The following SH2D1A variants were observed in gnomAD, a reference collection of about 807,000 sequenced individuals.
The protein encoded by SH2D1A is SH2 domain-containing protein 1A.
In SH2D1A, 6 loss-of-function variants were observed where a neutral mutation model predicts 10.1. The ratio of observed to expected loss-of-function variants is 0.60; its 90% CI spans 0.33 to 1.18. The LOEUF (loss-of-function observed/expected upper bound fraction) is 1.18, where lower values mean the gene tolerates loss of function less well. SH2D1A is among the 50% of genes most tolerant of loss of function. The pLI is 0.04. For synonymous variants in SH2D1A, 42 were observed against 36.9 expected (o/e 1.14, Z -0.51); for missense variants, 51 against 97.6 (o/e 0.52, Z 2.01).
At chrX:124,367,481 G>A (rs1428287092) in intron 2 of SH2D1A, 22 of 112,020 alleles carry the variant, frequency 2.0e-4, no homozygotes, top group African/African-American at 6.2e-4. Flanking sequence ...GAATAGCTGA[G>A]TTCAGTGACA....
chrX:124,351,392 G>A (rs1160921583), intron 1 of SH2D1A, among the ~76,000 whole-genome samples: 1 of 109,325 alleles, frequency 9.1e-6, no homozygotes, highest in Non-Finnish European at 1.9e-5. Flanking sequence ...AAGTTTCCTT[G>A]CATTTATGAT....
chrX:124,370,442 C>T, intron 3 of SH2D1A, 122 bp downstream of exon 3: 2 of 581,067 alleles, frequency 3.4e-6, no homozygotes, highest in South Asian at 5.2e-5. Context: ...GTAGATGTAG[C>T]CAGCAAGTCA....
chrX:124,364,660 G>A (rs1017699486), intron 1 of SH2D1A, among the ~76,000 whole-genome samples: 2 of 110,983 alleles, frequency 1.8e-5, no homozygotes, highest in East Asian at 2.8e-4. Context: ...CTACAGGTGC[G>A]TGCCACCATG....
In SH2D1A at chrX:124,371,090, G is replaced by T. The variant is rs769961488; in HGVS notation, c.347-261G>T. Among the ~76,000 whole-genome samples the T allele has an allele frequency of 1.2e-3, 134 of 111,901 alleles. 1 individual carries two copies. The East Asian group carries it at 0.036, about 30-fold the overall frequency. On this transcript the variant is annotated intron_variant, in intron 3 of 3. Coordinates refer to ENST00000371139, the MANE Select transcript of SH2D1A (RefSeq NM_002351.5). ...GGCATAAACTGACAATTAGACTCAA[G>T]TGGTGAATTAAATTAATGAATAGTT...
At chrX:124,349,097 A>G (rs771441121) in intron 1 of SH2D1A, among the ~76,000 whole-genome samples, 80 of 112,568 alleles carry the variant, frequency 7.1e-4, no homozygotes, top group African/African-American at 2.5e-3. Flanking sequence ...CCCAAAGTGA[A>G]TCTTGCATAA....
chrX:124,365,927 G>A, intron 2 of SH2D1A, 103 bp downstream of exon 2: 1 of 549,420 alleles, frequency 1.8e-6, no homozygotes, highest in Non-Finnish European at 3.2e-6. Context: ...GTATTCATAA[G>A]GTTTAAATCT....
At chrX:124,351,184 T>C (rs2060014142) in intron 1 of SH2D1A, among the ~76,000 whole-genome samples, 1 of 103,105 alleles carries the variant, frequency 9.7e-6, no homozygotes, top group Non-Finnish European at 2.0e-5. Context: ...CATTTCCCAC[T>C]TAATATGAAA....
chrX:124,352,431 G>A (rs1201772998), intron 1 of SH2D1A, among the ~76,000 whole-genome samples: 1 of 110,511 alleles, frequency 9.0e-6, no homozygotes, highest in African/African-American at 3.3e-5. Context: ...TTATCTGTTG[G>A]TTCTTCAAAA....
intron 2 of SH2D1A, among the ~76,000 whole-genome samples, chrX:124,368,818 G>C (rs1422266418): frequency 1.8e-5 from 2 of 112,469 alleles, no homozygotes; most frequent in Non-Finnish European, 3.7e-5. Context: ...GAGGCAATTT[G>C]TGCCTATGAC....
chrX:124,349,993 C>G (rs2060003713), intron 1 of SH2D1A, among the ~76,000 whole-genome samples: 1 of 101,256 alleles, frequency 9.9e-6, no homozygotes, highest in African/African-American at 3.6e-5. Flanking sequence ...ATGACTATTG[C>G]TAAAAATTAG....
intron 2 of SH2D1A, among the ~76,000 whole-genome samples, chrX:124,368,637 TTGTC>T (rs2060061886): frequency 8.9e-6 from 1 of 112,623 alleles, no homozygotes; most frequent in Non-Finnish European, 1.9e-5. Flanking sequence ...CTGCCTCTGG[TTGTC>T]TGTGTGACTT....
rs1390954805 is a variant in SH2D1A, at chrX:124,364,218, A to T, written c.138-1543A>T. On this transcript the variant is annotated intron_variant, in intron 1 of 3. Transcript: ENST00000371139. ...GCAGTGGGATAAGATGTGGAGGTGG[A>T]AGACAGTGATACTGATGATCCTGAC... 2.7e-5 allele frequency among the ~76,000 whole-genome samples: 3 copies of T among 110,972 alleles called. No homozygotes were observed. The East Asian group carries it at 8.5e-4, about 31-fold the overall frequency.
At position 124,366,231 on chromosome X, in the gene SH2D1A, G is replaced by A. The variant is rs1290722170; in HGVS notation, c.201+407G>A. Among the ~76,000 whole-genome samples the A allele has an allele frequency of 3.6e-5, 4 of 111,080 alleles. No homozygotes were observed. In the South Asian group the frequency reaches 1.5e-3, roughly 42 times the overall value. The stretch of plus-strand genomic sequence containing the variant: ...TAAGAGACTACAATATACTTGGGAA[G>A]TTATAACTTGAAATTAAACAGTTAT... On this transcript the variant is annotated intron_variant, in intron 2 of 3. Transcript: ENST00000371139.
At chrX:124,351,665 A>G (rs1397569670) in intron 1 of SH2D1A, among the ~76,000 whole-genome samples, 1 of 110,298 alleles carries the variant, frequency 9.1e-6, no homozygotes, top group Non-Finnish European at 1.9e-5. Flanking sequence ...TCCACATTTT[A>G]TATTCCTTTG....
intron 1 of SH2D1A, among the ~76,000 whole-genome samples, chrX:124,347,227 A>G (rs2059995774): frequency 9.0e-6 from 1 of 111,292 alleles, no homozygotes; most frequent in Admixed American, 9.6e-5. Context: ...GAGGCACATT[A>G]AGAAACAGAG....
chrX:124,353,771 G>A (rs894821647), intron 1 of SH2D1A, among the ~76,000 whole-genome samples: 6 of 112,295 alleles, frequency 5.3e-5, no homozygotes, highest in Non-Finnish European at 7.5e-5. Flanking sequence ...AAGAAATGCT[G>A]TTATAATTCT....
At chrX:124,362,147 C>A (rs2060041521) in intron 1 of SH2D1A, among the ~76,000 whole-genome samples, 1 of 111,898 alleles carries the variant, frequency 8.9e-6, no homozygotes, top group Non-Finnish European at 1.9e-5. Context: ...GAAGAACGAC[C>A]CTGAGGGTGA....
At chrX:124,370,953 C>T (rs991554506) in intron 3 of SH2D1A, among the ~76,000 whole-genome samples, 4 of 112,070 alleles carry the variant, frequency 3.6e-5, no homozygotes, top group African/African-American at 9.7e-5. Flanking sequence ...GTTTACTCCT[C>T]TATTGAATGG....
chrX:124,359,701 T>TTA (rs2060035266), intron 1 of SH2D1A, among the ~76,000 whole-genome samples: 1 of 111,947 alleles, frequency 8.9e-6, no homozygotes, highest in African/African-American at 3.3e-5. Context: ...ATTCAGCATA[T>TTA]TATATATAGG....
Sources: allele counts gnomAD v4.1 joint callset (sites outside exome capture counted in the v4.1 genomes callset), GRCh38; gene constraint gnomAD v4.1.1; transcripts MANE v1.5; gene names NCBI Gene and HGNC (gene_info 2026-07-23, HGNC 2026-07-21).